The following DHCR24 variants were observed in gnomAD, a reference collection of about 807,000 sequenced individuals.
DHCR24 encodes delta(24)-sterol reductase.
DHCR24 carries 28 observed loss-of-function variants against 61.2 expected under a neutral mutation model. The ratio of observed to expected loss-of-function variants is 0.46; its 90% CI spans 0.34 to 0.63. The LOEUF (loss-of-function observed/expected upper bound fraction) is 0.63. Ranked by LOEUF, DHCR24 falls within the 20% of genes least tolerant of loss-of-function variation. The pLI is 0.01. For missense variants in DHCR24, 538 were observed against 679.1 expected (o/e 0.79, Z 2.31); for synonymous variants, 261 against 275.9 (o/e 0.95, Z 0.54).
intron 8 of DHCR24, among the ~76,000 whole-genome samples, chr1:54,852,701 C>G (rs1646883344): frequency 6.6e-6 from 1 of 152,064 alleles, no homozygotes; most frequent in South Asian, 2.1e-4. Context: ...GGTTGTTTTC[C>G]TTTAATCTGT....
rs1359772868 is a variant in DHCR24 at position 54,886,503 on chromosome 1, C to T, written c.231+386G>A. On this transcript the variant is annotated intron_variant, in intron 1 of 8. Coordinates refer to ENST00000371269, the MANE Select transcript of DHCR24 (RefSeq NM_014762.4). ...CTTCCCAGCATTTGCTCACACCAGT[C>T]CCTCCACCCACACACCTTCCCCCAA... 17 of 945,452 alleles carry T rather than the reference C, an allele frequency of 1.8e-5. No individual in the cohort carries two copies. The East Asian group carries it at 2.3e-4, about 13-fold the overall frequency. The allele number at this position is 945,452 out of a possible 1,614,324, so 58.6% of individuals were successfully genotyped here.
chr1:54,886,638 C>T (rs1279342507), intron 1 of DHCR24: 1 of 1,491,618 alleles, frequency 6.7e-7, no homozygotes, highest in African/African-American at 1.4e-5. Flanking sequence ...CGCACCTCCC[C>T]CTCTTCCCCT....
chr1:54,853,960 T>G, intron 7 of DHCR24, 77 bp downstream of exon 7: 1 of 1,428,840 alleles, frequency 7.0e-7, no homozygotes, highest in Non-Finnish European at 9.6e-7. Context: ...CCAAGGTCGG[T>G]CACACGGTTC....
chr1:54,857,409 G>A (rs1646913403), intron 6 of DHCR24, among the ~76,000 whole-genome samples: 1 of 152,204 alleles, frequency 6.6e-6, no homozygotes, highest in East Asian at 1.9e-4. Flanking sequence ...CTTTCTTACT[G>A]GTGTTAACTC....
intron 5 of DHCR24, among the ~76,000 whole-genome samples, chr1:54,870,877 C>A (rs973636419): frequency 9.3e-6 from 1 of 107,322 alleles, no homozygotes; most frequent in Non-Finnish European, 2.2e-5. Context: ...ACAATAAGCA[C>A]AAATCCTTTC....
In DHCR24 at chr1:54,875,362, A is replaced by C. The variant is rs1211292777; in HGVS notation, c.494-151T>G. ...CTTAGGGGAGATTTCCCACCTGTCA[A>C]TCTAGAGAGCAGGAGAGGGAAGGAG... On this transcript the variant is annotated intron_variant, in intron 3 of 8. Coordinates refer to ENST00000371269, the MANE Select transcript of DHCR24 (RefSeq NM_014762.4). 8.1e-6 allele frequency: 6 copies of C among 740,672 alleles called. No homozygotes were observed. The African/African-American group carries it at 8.6e-5, about 11-fold the overall frequency. The allele number at this position is 740,672 out of a possible 1,614,324, so 45.9% of individuals were successfully genotyped here. A position where few individuals can be genotyped will look rare whatever the true frequency, so the allele number is the denominator to read the frequency against.
At chr1:54,870,265 C>T (rs992982079) in intron 5 of DHCR24, among the ~76,000 whole-genome samples, 8 of 151,864 alleles carry the variant, frequency 5.3e-5, no homozygotes, top group Non-Finnish European at 1.0e-4. Context: ...AAATAGGTCT[C>T]GAAGAATGCA....
rs1646962920 is a variant in DHCR24 at position 54,865,401 on chromosome 1, C to T, written c.922G>A (p.Val308Met). ...NYYKPWFFKH[V>M]ENYLKTNREG... ...CGGTTTGTCTTCAGATAGTTCTCCA[C>T]ATGCTTAAAGAACCACGGCTTGTAG... Residue 308 changes from valine to methionine, a missense_variant, in exon 6 of 9, where the codon GTG becomes ATG. Coordinates refer to ENST00000371269, the MANE Select transcript of DHCR24 (RefSeq NM_014762.4). 6.2e-7 allele frequency: 1 copy of T among 1,614,178 alleles called. No homozygotes were observed. The highest frequency in any genetic ancestry group is 8.5e-7 in the Non-Finnish European group (1 of 1,180,034).
Position 54,852,341 on chromosome 1 carries a change from G to C in DHCR24, c.1443C>G (p.Phe481Leu). Reference sequence around the variant, plus strand: ...ACAAGGAGCCATCAAACATCTCCCAGAACTCCTCCCGGTTCATGTAGCAGT... The same window carrying C: ...ACAAGGAGCCATCAAACATCTCCCACAACTCCTCCCGGTTCATGTAGCAGT... ...YADCYMNREE[F>L]WEMFDGSLYH... Residue 481 changes from phenylalanine (F) to leucine (L), a missense_variant, in exon 9 of 9, where the codon TTC becomes TTG. Transcript: ENST00000371269. 6.2e-7 allele frequency: 1 copy of C among 1,614,196 alleles called. No homozygotes were observed. The highest frequency in any genetic ancestry group is 1.1e-5 in the South Asian group (1 of 91,084).
intron 4 of DHCR24, among the ~76,000 whole-genome samples, chr1:54,873,735 T>C (rs1368289063): frequency 1.3e-5 from 2 of 152,348 alleles, no homozygotes; most frequent in South Asian, 4.1e-4. Flanking sequence ...CTGCAATCTC[T>C]GCCTCCCAGG....
intron 3 of DHCR24, 50 bp from the exon 4 acceptor site, chr1:54,875,261 G>T: frequency 6.3e-7 from 1 of 1,577,982 alleles, no homozygotes; most frequent in Non-Finnish European, 8.7e-7. Flanking sequence ...TGGGTACAGG[G>T]TTGGGGGTGG....
chr1:54,871,316 G>C (rs1246752865), intron 5 of DHCR24, 34 bp downstream of exon 5: 1 of 1,612,468 alleles, frequency 6.2e-7, no homozygotes, highest in East Asian at 2.2e-5. Context: ...TGCCTCCCCA[G>C]TCTTGGTCAG....
At position 54,852,281 on chromosome 1, in the gene DHCR24, G is replaced by C. The variant is rs575966588; in HGVS notation, c.1503C>G (p.Asp501Glu). 6.2e-7 allele frequency: 1 copy of C among 1,614,090 alleles called. No individual in the cohort carries two copies. Among genetic ancestry groups the C allele is most frequent in the Admixed American group, 1.7e-5 (1 of 60,004 alleles). The change falls in exon 9 of 9, where the codon GAC becomes GAG. Residue 501 changes from aspartate to glutamate, a missense_variant. Asp to Glu is a conservative substitution (Grantham distance 45). Transcript: ENST00000371269. ...TCTTGTCGTACACCTCGGGGAAGGCGTCCTGGCAACCCAGCTTCTCTCGCA... is the reference window on the plus strand; with the variant it reads ...TCTTGTCGTACACCTCGGGGAAGGCCTCCTGGCAACCCAGCTTCTCTCGCA... The part of the protein sequence containing the change: ...HKLREKLGCQ[D>E]AFPEVYDKIC...
chr1:54,886,143 G>A (rs1474747997), intron 1 of DHCR24, among the ~76,000 whole-genome samples: 1 of 152,156 alleles, frequency 6.6e-6, no homozygotes, highest in African/African-American at 2.4e-5. Context: ...GAAGCAGAGG[G>A]AGTCAAGAAA....
chr1:54,859,249 C>A lies in DHCR24; in HGVS notation c.1021-5015G>T, dbSNP rs572150097. Among the ~76,000 whole-genome samples the A allele has an allele frequency of 8.5e-5, 13 of 152,130 alleles. No individual in the cohort carries two copies. The South Asian group carries it at 2.7e-3, about 32-fold the overall frequency. On this transcript the variant is annotated intron_variant, in intron 6 of 8. Transcript: ENST00000371269. ...GTGAGCTGGAAGCAGATCTTCCAGC[C>A]CCAGTCAAGCCTCCAGATGACTACT...
rs552132608 is a variant in DHCR24, at chr1:54,869,546, T to C, written c.876+1804A>G. On this transcript the variant is annotated intron_variant, in intron 5 of 8. Coordinates refer to ENST00000371269, the MANE Select transcript of DHCR24 (RefSeq NM_014762.4). ...TAGGCCAATTATTTACATGCAAAAA[T>C]GGGATATTACAGAATGAAATGAAGA... Among the ~76,000 whole-genome samples the C allele has an allele frequency of 2.4e-4, 37 of 151,976 alleles. 1 individual carries two copies. The highest frequency in any genetic ancestry group is 8.7e-4 in the African/African-American group (36 of 41,436).
At chr1:54,872,577 C>T (rs1371473560) in intron 4 of DHCR24, among the ~76,000 whole-genome samples, 1 of 152,070 alleles carries the variant, frequency 6.6e-6, no homozygotes, top group African/African-American at 2.4e-5. Context: ...CACCAATTCC[C>T]CCTTGGGCCC....
At chr1:54,874,347 C>G (rs1466088603) in intron 4 of DHCR24, among the ~76,000 whole-genome samples, 1 of 152,136 alleles carries the variant, frequency 6.6e-6, no homozygotes, top group African/African-American at 2.4e-5. Context: ...CATAGGTGTA[C>G]CATTCATCTT....
At chr1:54,857,087 T>C (rs540047509) in intron 6 of DHCR24, among the ~76,000 whole-genome samples, 20 of 152,374 alleles carry the variant, frequency 1.3e-4, no homozygotes, top group Non-Finnish European at 2.1e-4. Context: ...AAACCATTCC[T>C]TTTCCAGTCT....
Sources: allele counts gnomAD v4.1 joint callset (sites outside exome capture counted in the v4.1 genomes callset), GRCh38; gene constraint gnomAD v4.1.1; transcripts MANE v1.5; gene names NCBI Gene and HGNC (gene_info 2026-07-23, HGNC 2026-07-21).